The following SDK1 variants were observed in gnomAD, a reference collection of about 807,000 sequenced individuals.
SDK1 encodes sidekick cell adhesion molecule 1.
A neutral mutation model predicts 245.5 loss-of-function variants in SDK1; 157 were observed. That is an observed-to-expected ratio of 0.64 (90% CI 0.56 to 0.73). The LOEUF (loss-of-function observed/expected upper bound fraction) is 0.73, where lower values mean the gene tolerates loss of function less well. SDK1 is among the 30% of genes least tolerant of loss of function. The pLI, the probability that SDK1 is intolerant of heterozygous loss-of-function variation, is 0.00. For synonymous variants in SDK1, 1,647 were observed against 1,278.5 expected (o/e 1.29, Z -6.15); for missense variants, 3,583 against 3,002.3 (o/e 1.19, Z -4.52).
At chr7:3,904,037 G>A (rs945409838) in intron 5 of SDK1, among the ~76,000 whole-genome samples, 2 of 152,072 alleles carry the variant, frequency 1.3e-5, no homozygotes, top group East Asian at 3.9e-4. Context: ...GAACTTCCCA[G>A]CCATCAGAAT....
rs181599664 is a variant in SDK1, at chr7:4,226,028, G to A, written c.5827+4664G>A. ...CAGCAGCAGCTCAGGCAAATGAAAC[G>A]CTTTATGGATTGTCAATATTTAAGC... is the stretch of plus-strand genomic sequence containing the variant. On this transcript the variant is annotated intron_variant, in intron 40 of 44. Transcript: ENST00000404826. Among the ~76,000 whole-genome samples the A allele has an allele frequency of 1.4e-4, 22 of 152,250 alleles. No individual in the cohort carries two copies. The East Asian group carries it at 3.1e-3, about 21-fold the overall frequency.
chr7:3,367,963 C>T (rs1781132536), intron 1 of SDK1, among the ~76,000 whole-genome samples: 1 of 152,220 alleles, frequency 6.6e-6, no homozygotes, highest in Admixed American at 6.5e-5. Flanking sequence ...TGGAGCTTGA[C>T]TCTCTTCCCT....
chr7:4,048,471 C>T (rs1789184318), intron 17 of SDK1, among the ~76,000 whole-genome samples: 1 of 152,030 alleles, frequency 6.6e-6, no homozygotes, highest in African/African-American at 2.4e-5. Context: ...ACTGTCAGCA[C>T]CCCGCTTCCC....
At chr7:4,051,570 G>T in intron 18 of SDK1, 68 bp from the exon 19 acceptor site, 1 of 1,322,344 alleles carries the variant, frequency 7.6e-7, no homozygotes, top group Non-Finnish European at 1.0e-6. Context: ...ATAAAATTCT[G>T]CTGCAGACAT....
chr7:3,493,060 C>T (rs180768949), intron 1 of SDK1, among the ~76,000 whole-genome samples: 1 of 152,206 alleles, frequency 6.6e-6, no homozygotes, highest in Non-Finnish European at 1.5e-5. Flanking sequence ...ACACCATTCT[C>T]CTGCCTCAGC....
intron 1 of SDK1, among the ~76,000 whole-genome samples, chr7:3,374,710 ACACACACC>A (rs1329737684): frequency 2.6e-5 from 4 of 151,978 alleles, no homozygotes; most frequent in Admixed American, 1.3e-4. Flanking sequence ...AGTCCCCACT[ACACACACC>A]CACACCCCCA....
intron 20 of SDK1, 62 bp from the exon 21 acceptor site, chr7:4,076,936 G>A: frequency 7.0e-7 from 1 of 1,429,070 alleles, no homozygotes. Flanking sequence ...TGGTGCTGTG[G>A]AATTCAGGTG....
chr7:3,550,183 C>T lies in SDK1; in HGVS notation c.299-68897C>T, dbSNP rs184451642. Among the ~76,000 whole-genome samples the T allele has an allele frequency of 3.9e-4, 60 of 152,108 alleles. 1 individual carries two copies. Among genetic ancestry groups the T allele is most frequent in the Admixed American group, 2.6e-3 (39 of 15,284 alleles). On this transcript the variant is annotated intron_variant, in intron 1 of 44. Transcript: ENST00000404826. ...ATATCTCAAATTTACATATGTATATCTTATACATATATAATTGAGATAGCA... is the reference window on the plus strand; with the variant it reads ...ATATCTCAAATTTACATATGTATATTTTATACATATATAATTGAGATAGCA...
intron 1 of SDK1, among the ~76,000 whole-genome samples, chr7:3,540,300 G>A (rs572959124): frequency 1.3e-5 from 2 of 152,280 alleles, no homozygotes; most frequent in East Asian, 3.9e-4. Flanking sequence ...TCAGCTATTC[G>A]GGAGGCCGAG....
At chr7:3,453,898 C>T (rs182950407) in intron 1 of SDK1, among the ~76,000 whole-genome samples, 1 of 152,162 alleles carries the variant, frequency 6.6e-6, no homozygotes, top group Admixed American at 6.5e-5. Flanking sequence ...GTATTATTTC[C>T]TCCCGGCACA....
intron 4 of SDK1, among the ~76,000 whole-genome samples, chr7:3,689,596 C>A (rs2060183): frequency 0.83 from 125,769 of 151,950 alleles, 52,204 homozygotes; most frequent in African/African-American, 0.85. Flanking sequence ...AACTAAATGC[C>A]ATCCACCTAT....
intron 22 of SDK1, among the ~76,000 whole-genome samples, chr7:4,095,228 C>G (rs1478542961): frequency 1.5e-5 from 2 of 134,454 alleles, no homozygotes; most frequent in Non-Finnish European, 3.2e-5. Context: ...CATCTGAGCT[C>G]TTCCTCAGCT....
At chr7:3,478,971 CATA>C (rs749684868) in intron 1 of SDK1, among the ~76,000 whole-genome samples, 17 of 152,008 alleles carry the variant, frequency 1.1e-4, no homozygotes, top group Admixed American at 4.6e-4. Context: ...TGAAAAATGT[CATA>C]ATGTTTTTTG....
rs532436524 is a variant in SDK1, at chr7:3,843,757, G to A, written c.847+22174G>A. On this transcript the variant is annotated intron_variant, in intron 5 of 44. Transcript: ENST00000404826. The stretch of plus-strand genomic sequence containing the variant: ...GACGCTGAGGCTTTTTGGCTGCCTG[G>A]TTCTGAGCCTCAGTTTTCCCATCTG... Among the ~76,000 whole-genome samples, 42 of 152,262 alleles carry A rather than the reference G, an allele frequency of 2.8e-4. No homozygotes were observed. In the South Asian group the frequency reaches 8.3e-3, roughly 30 times the overall value.
intron 20 of SDK1, among the ~76,000 whole-genome samples, chr7:4,072,638 A>C (rs563478447): frequency 3.3e-5 from 5 of 152,350 alleles, no homozygotes; most frequent in South Asian, 2.1e-4. Context: ...TTCGTGGGCA[A>C]ACCTGGCTGC....
intron 1 of SDK1, among the ~76,000 whole-genome samples, chr7:3,466,359 C>A: frequency 6.6e-6 from 1 of 150,908 alleles, no homozygotes; most frequent in East Asian, 1.9e-4. Flanking sequence ...TAATAGGAAG[C>A]GTGACATCAA....
intron 20 of SDK1, among the ~76,000 whole-genome samples, chr7:4,071,053 T>C (rs1443449730): frequency 6.6e-6 from 1 of 151,590 alleles, no homozygotes; most frequent in African/African-American, 2.4e-5. Context: ...TGAAATGGAG[T>C]GTCTCTCTGT....
rs1197512170 is a variant in SDK1 at position 4,265,342 on chromosome 7, C to G, written c.6600C>G (p.Pro2200=). The G allele has an allele frequency of 2.0e-6, 3 of 1,466,996 alleles. No individual in the cohort carries two copies. Among genetic ancestry groups the G allele is most frequent in the Non-Finnish European group, 1.8e-6 (2 of 1,122,492 alleles). 90.9% of individuals were successfully genotyped at this position (1,466,996 alleles called of 1,614,324 possible). ...SAGGVYTPAG[P]GARTPLTGFS... ...GCGGCGTCTACACCCCCGCTGGCCC[C>G]GGCGCGCGAACTCCGCTCACCGGCT... Residue 2200 remains proline (P), a synonymous_variant, in exon 45 of 45, where the codon CCC becomes CCG. Coordinates refer to ENST00000404826, the MANE Select transcript of SDK1 (RefSeq NM_152744.4).
At chr7:3,340,732 C>T (rs1583706863) in intron 1 of SDK1, among the ~76,000 whole-genome samples, 1 of 148,012 alleles carries the variant, frequency 6.8e-6, no homozygotes, top group African/African-American at 2.5e-5. Flanking sequence ...CACTGCACTC[C>T]CTGGAGCCTG....
Sources: allele counts gnomAD v4.1 joint callset (sites outside exome capture counted in the v4.1 genomes callset), GRCh38; gene constraint gnomAD v4.1.1; transcripts MANE v1.5; gene names NCBI Gene and HGNC (gene_info 2026-07-23, HGNC 2026-07-21).